HECW1: variants seen among roughly 807,000 people sequenced by gnomAD.
The protein encoded by HECW1 is HECT, C2 and WW domain containing E3 ubiquitin protein ligase 1.
Under a neutral mutation model 182.3 loss-of-function variants are expected in HECW1, and 61 were observed. The observed-to-expected ratio is 0.33, with a 90% confidence interval of 0.27 to 0.41. The LOEUF (loss-of-function observed/expected upper bound fraction) is 0.41. HECW1 is among the 10% of genes least tolerant of loss of function. The pLI is 1.00. For synonymous variants in HECW1, 859 were observed against 832.6 expected (o/e 1.03, Z -0.55); for missense variants, 1,739 against 2,108.9 (o/e 0.82, Z 3.44).
intron 16 of HECW1, 146 bp from the exon 17 acceptor site, chr7:43,479,464 G>A: frequency 4.1e-6 from 4 of 979,158 alleles, no homozygotes; most frequent in Non-Finnish European, 6.1e-6. Context: ...TGAGTTTTGA[G>A]TAGATTAAAA....
chr7:43,114,162 A>G lies in HECW1; in HGVS notation c.-261A>G. On this transcript the variant is annotated 5_prime_UTR_variant, in exon 2 of 30. Coordinates refer to ENST00000395891, the MANE Select transcript of HECW1 (RefSeq NM_015052.5). ...CCCCCCTTCTCTTTGAAAAGATATC[A>G]ATGCTATGTTCAGCAGAAACGGATA... is the stretch of plus-strand genomic sequence containing the variant. 1 of 1,033,496 alleles carries G rather than the reference A, an allele frequency of 9.7e-7. No individual in the cohort carries two copies. The highest frequency in any genetic ancestry group is 3.7e-5 in the East Asian group (1 of 26,744). The allele number at this position is 1,033,496 out of a possible 1,614,324, so 64.0% of individuals were successfully genotyped here.
intron 6 of HECW1, among the ~76,000 whole-genome samples, chr7:43,390,497 T>A (rs1284777615): frequency 6.8e-6 from 1 of 147,216 alleles, no homozygotes; most frequent in Non-Finnish European, 1.5e-5. Context: ...GCTATGATGG[T>A]GCTACTGCAT....
chr7:43,408,551 C>T (rs957806600), intron 8 of HECW1, among the ~76,000 whole-genome samples: 4 of 151,238 alleles, frequency 2.6e-5, no homozygotes, highest in African/African-American at 4.9e-5. Flanking sequence ...CTGAGCCTGG[C>T]GGTGTGTGCC....
chr7:43,432,163 G>A lies in HECW1; in HGVS notation c.802-5840G>A, dbSNP rs541306035. ...TTTATTTCTTTTTTTTTTTTGAGAC[G>A]GAGTCTCGCTCTGTCGCCCGGGCTG... On this transcript the variant is annotated intron_variant, in intron 8 of 29. Coordinates refer to ENST00000395891, the MANE Select transcript of HECW1 (RefSeq NM_015052.5). The surrounding 1 kb of genome is among the most constrained non-coding windows in gnomAD (Gnocchi z 4.1). 3.5e-5 allele frequency among the ~76,000 whole-genome samples: 5 copies of A among 144,674 alleles called. No individual in the cohort carries two copies. The South Asian group carries it at 1.1e-3, about 32-fold the overall frequency. The allele number at this position is 144,674 out of a possible 152,430, so 94.9% of individuals were successfully genotyped here. A position where few individuals can be genotyped will look rare whatever the true frequency, so the allele number is the denominator to read the frequency against.
At chr7:43,460,761 C>A (rs902820638) in intron 13 of HECW1, among the ~76,000 whole-genome samples, 1 of 152,206 alleles carries the variant, frequency 6.6e-6, no homozygotes, top group African/African-American at 2.4e-5. Context: ...AGGCTGCAGT[C>A]CTGCCCTGAA....
intron 5 of HECW1, among the ~76,000 whole-genome samples, chr7:43,323,271 C>G (rs1422500844): frequency 2.0e-5 from 3 of 152,134 alleles, no homozygotes; most frequent in Non-Finnish European, 4.4e-5. Flanking sequence ...TCCTCATGGG[C>G]AGTATGAAAA....
chr7:43,521,905 C>T (rs915219160), intron 24 of HECW1, among the ~76,000 whole-genome samples: 1 of 152,050 alleles, frequency 6.6e-6, no homozygotes, highest in African/African-American at 2.4e-5. Flanking sequence ...AGAAGTGAGG[C>T]GTTTGGGAAA....
At position 43,445,182 on chromosome 7, in the gene HECW1, C is replaced by G. The variant is rs1167796583; in HGVS notation, c.2010C>G (p.Cys670Trp). Residue 670 changes from cysteine (C) to tryptophan (W), a missense_variant, in exon 11 of 30, where the codon TGC becomes TGG. This residue lies in a region of HECW1 where 971 missense variants were observed against 1,029.1 expected (regional missense o/e 0.94). Coordinates refer to ENST00000395891, the MANE Select transcript of HECW1 (RefSeq NM_015052.5). The stretch of plus-strand genomic sequence containing the variant: ...CCAGGCAAGGCGGGGACCACAGTTG[C>G]GAGGGCTGTGACGCGTCCTGCTGCA... ...SSPRQGGDHS[C>W]EGCDASCCSP... 6.2e-7 allele frequency: 1 copy of G among 1,611,938 alleles called. No individual in the cohort carries two copies. Among genetic ancestry groups the G allele is most frequent in the South Asian group, 1.1e-5 (1 of 91,020 alleles).
rs905215336 is a variant in HECW1 at position 43,267,371 on chromosome 7, T to C, written c.27+23439T>C. On this transcript the variant is annotated intron_variant, in intron 3 of 29. Coordinates refer to ENST00000395891, the MANE Select transcript of HECW1 (RefSeq NM_015052.5). ...AAAGTACTATTGGCCAAAGGGGAAA[T>C]TGAAGCCATAATTTGACTATTTAGG... Among the ~76,000 whole-genome samples the C allele has an allele frequency of 5.3e-5, 8 of 152,110 alleles. No individual in the cohort carries two copies. In the East Asian group the frequency reaches 1.3e-3, roughly 26 times the overall value.
chr7:43,221,330 A>G (rs1001172752), intron 2 of HECW1, among the ~76,000 whole-genome samples: 5 of 152,024 alleles, frequency 3.3e-5, no homozygotes, highest in Non-Finnish European at 7.4e-5. Flanking sequence ...TTCCAGGGTC[A>G]TTTTATATTT....
intron 2 of HECW1, among the ~76,000 whole-genome samples, chr7:43,149,266 A>G (rs1293503858): frequency 6.6e-6 from 1 of 152,238 alleles, no homozygotes; most frequent in African/African-American, 2.4e-5. Flanking sequence ...TCATGTTGAC[A>G]TATCGATATC....
chr7:43,557,546 C>A (rs1050838365), intron 29 of HECW1, among the ~76,000 whole-genome samples: 1 of 152,192 alleles, frequency 6.6e-6, no homozygotes, highest in East Asian at 1.9e-4. Flanking sequence ...GGTCAAGGAA[C>A]TGGGGGCTTG....
At chr7:43,263,641 A>G (rs1243796429) in intron 3 of HECW1, among the ~76,000 whole-genome samples, 3 of 152,056 alleles carry the variant, frequency 2.0e-5, no homozygotes, top group Non-Finnish European at 2.9e-5. Flanking sequence ...TTACAGGCAT[A>G]AGCCACTGCT....
chr7:43,189,475 G>A (rs189786389), intron 2 of HECW1, among the ~76,000 whole-genome samples: 16 of 152,142 alleles, frequency 1.1e-4, no homozygotes, highest in Admixed American at 3.3e-4. Flanking sequence ...TGTGCAGGTC[G>A]CTTTGCTAGT....
intron 4 of HECW1, among the ~76,000 whole-genome samples, chr7:43,313,013 TA>T (rs1316623739): frequency 6.6e-6 from 1 of 152,190 alleles, no homozygotes; most frequent in Non-Finnish European, 1.5e-5. Flanking sequence ...TCACAGAAAG[TA>T]ATGGATTGTT....
chr7:43,262,404 G>T (rs576166268), intron 3 of HECW1, among the ~76,000 whole-genome samples: 1 of 152,048 alleles, frequency 6.6e-6, no homozygotes, highest in Non-Finnish European at 1.5e-5. Context: ...ACAAGGTATT[G>T]ATGATATTAT....
intron 2 of HECW1, among the ~76,000 whole-genome samples, chr7:43,175,815 T>C (rs1792177708): frequency 6.6e-6 from 1 of 152,168 alleles, no homozygotes; most frequent in Non-Finnish European, 1.5e-5. Flanking sequence ...TGACGGCTTT[T>C]GGTTGTTCTA....
chr7:43,458,485 A>C (rs1283910852), intron 13 of HECW1, among the ~76,000 whole-genome samples: 2 of 152,206 alleles, frequency 1.3e-5, no homozygotes, highest in Admixed American at 1.3e-4. Context: ...TCCAGTGGAG[A>C]TGAACATGCT....
chr7:43,211,240 T>C (rs1362347375), intron 2 of HECW1, among the ~76,000 whole-genome samples: 1 of 152,214 alleles, frequency 6.6e-6, no homozygotes, highest in Non-Finnish European at 1.5e-5. Flanking sequence ...TCTCTCAGTA[T>C]GGAGGCAGGT....
Sources: gnomAD v4.1 joint callset for allele counts (sites outside exome capture counted in the v4.1 genomes callset) on GRCh38, gnomAD v4.1.1 for gene constraint, gnomAD v4.1.1 regional missense constraint, Gnocchi (gnomAD v3.1) non-coding constraint, MANE v1.5 for transcripts, NCBI Gene and HGNC (gene_info 2026-07-23, HGNC 2026-07-21) for gene names.